The following MYO5B variants were observed in gnomAD, a reference collection of about 807,000 sequenced individuals.
The protein encoded by MYO5B is unconventional myosin-Vb.
A neutral mutation model predicts 229.3 loss-of-function variants in MYO5B; 143 were observed. The ratio of observed to expected loss-of-function variants is 0.62; its 90% CI spans 0.54 to 0.72. The LOEUF (loss-of-function observed/expected upper bound fraction) is 0.72, where lower values mean the gene tolerates loss of function less well. Among genes scored for constraint, MYO5B ranks in the 30% least tolerant of loss-of-function variants. The probability of loss-of-function intolerance (pLI) is 0.00; values close to 1 mark genes in which losing one functional copy is unlikely to be tolerated. For missense variants in MYO5B, 2,321 were observed against 2,331.0 expected (o/e 1.00, Z 0.09); for synonymous variants, 918 against 885.2 (o/e 1.04, Z -0.66).
intron 1 of MYO5B, among the ~76,000 whole-genome samples, chr18:50,166,270 C>T (rs1312945729): frequency 2.0e-5 from 3 of 152,194 alleles, no homozygotes; most frequent in African/African-American, 7.2e-5. Context: ...GTAAACTCAT[C>T]CTAACCTTGT....
At chr18:49,968,062 A>T (rs2025646629) in intron 10 of MYO5B, among the ~76,000 whole-genome samples, 1 of 152,176 alleles carries the variant, frequency 6.6e-6, no homozygotes, top group Non-Finnish European at 1.5e-5. Context: ...CAACTGTCCC[A>T]AACTATGAAG....
chr18:49,864,960 A>G (rs1242553645), intron 27 of MYO5B, among the ~76,000 whole-genome samples: 1 of 152,208 alleles, frequency 6.6e-6, no homozygotes, highest in Non-Finnish European at 1.5e-5. Context: ...AAATACCTAC[A>G]TACAGAATTG....
At chr18:50,165,469 G>C (rs986841161) in intron 1 of MYO5B, among the ~76,000 whole-genome samples, 6 of 143,018 alleles carry the variant, frequency 4.2e-5, no homozygotes, top group Non-Finnish European at 9.2e-5. Context: ...AACAGCATAA[G>C]ACTGTGTTTC....
intron 1 of MYO5B, among the ~76,000 whole-genome samples, chr18:50,129,258 A>G (rs921844983): frequency 6.6e-6 from 1 of 152,220 alleles, no homozygotes; most frequent in African/African-American, 2.4e-5. Context: ...TTACAATCCC[A>G]TAGACTCCAG....
At chr18:49,961,063 G>A (rs1218553281) in intron 12 of MYO5B, among the ~76,000 whole-genome samples, 1 of 152,196 alleles carries the variant, frequency 6.6e-6, no homozygotes, top group Non-Finnish European at 1.5e-5. Context: ...GGGAAAAGGA[G>A]CATGACCTTG....
chr18:50,190,872 T>A (rs1511155), intron 1 of MYO5B, among the ~76,000 whole-genome samples: 44,922 of 152,138 alleles, frequency 0.3, 6,792 homozygotes, highest in South Asian at 0.38. Flanking sequence ...AAATTTTCCA[T>A]TCCCAAAAAT....
At chr18:50,065,713 TCTC>T (rs1361566541) in intron 1 of MYO5B, among the ~76,000 whole-genome samples, 1 of 152,038 alleles carries the variant, frequency 6.6e-6, no homozygotes, top group Non-Finnish European at 1.5e-5. Context: ...ATGCGGCTAA[TCTC>T]CTGCAATGGT....
intron 31 of MYO5B, among the ~76,000 whole-genome samples, chr18:49,852,885 C>T: frequency 6.6e-6 from 1 of 152,216 alleles, no homozygotes; most frequent in East Asian, 1.9e-4. Context: ...TATCTACTTT[C>T]TCTTCTTTAT....
intron 1 of MYO5B, among the ~76,000 whole-genome samples, chr18:50,061,296 G>C (rs963471899): frequency 6.6e-6 from 1 of 152,186 alleles, no homozygotes; most frequent in East Asian, 1.9e-4. Context: ...TACCTACCTC[G>C]TGAAGTGTTC....
intron 5 of MYO5B, among the ~76,000 whole-genome samples, chr18:49,997,369 CTTTTTTTT>C (rs34011258): frequency 6.3e-4 from 38 of 60,360 alleles, no homozygotes; most frequent in African/African-American, 7.1e-4. Flanking sequence ...TCCTTTCTTT[CTTTTTTTT>C]TTTTTTTTTT....
chr18:50,065,024 T>C (rs990536146), intron 1 of MYO5B, among the ~76,000 whole-genome samples: 2 of 152,224 alleles, frequency 1.3e-5, no homozygotes, highest in Non-Finnish European at 2.9e-5. Context: ...AGAGATGACC[T>C]ATCTCAGAAC....
At chr18:49,861,937 C>G (rs1474244650) in intron 29 of MYO5B, among the ~76,000 whole-genome samples, 2 of 151,192 alleles carry the variant, frequency 1.3e-5, no homozygotes, top group Non-Finnish European at 2.9e-5. Flanking sequence ...AATACTTGAT[C>G]AACATTCTAT....
intron 22 of MYO5B, among the ~76,000 whole-genome samples, chr18:49,881,754 G>A (rs2024588498): frequency 6.6e-6 from 1 of 150,634 alleles, no homozygotes; most frequent in South Asian, 2.1e-4. Context: ...AGTGAGCCGA[G>A]ATCGCGCCAC....
intron 1 of MYO5B, among the ~76,000 whole-genome samples, chr18:50,136,198 C>G (rs1211644836): frequency 6.6e-6 from 1 of 152,206 alleles, no homozygotes; most frequent in African/African-American, 2.4e-5. Flanking sequence ...CAAGGTCCCA[C>G]AGTATGTACT....
At chr18:49,956,177 A>G (rs916122735) in intron 12 of MYO5B, among the ~76,000 whole-genome samples, 1 of 152,266 alleles carries the variant, frequency 6.6e-6, no homozygotes, top group Non-Finnish European at 1.5e-5. Context: ...AAGGGCCGGC[A>G]GGAATTAACA....
At chr18:50,118,691 C>T (rs2032008695) in intron 1 of MYO5B, among the ~76,000 whole-genome samples, 1 of 146,790 alleles carries the variant, frequency 6.8e-6, no homozygotes, top group South Asian at 2.1e-4. Context: ...GTGGCGCGAT[C>T]TCGGCTCACT....
At chr18:49,974,786 C>CACACACAG (rs1347968589) in intron 9 of MYO5B, among the ~76,000 whole-genome samples, 171 bp from the exon 10 acceptor site, 5 of 124,196 alleles carry the variant, frequency 4.0e-5, no homozygotes, top group African/African-American at 1.7e-4. Flanking sequence ...CTCTCACACA[C>CACACACAG]ACACACACAC....
At chr18:49,889,488 T>G (rs545518873) in intron 22 of MYO5B, among the ~76,000 whole-genome samples, 1 of 152,346 alleles carries the variant, frequency 6.6e-6, no homozygotes, top group South Asian at 2.1e-4. Context: ...TCTTGCCCCA[T>G]CCTGCCAGGA....
At chr18:49,916,447 C>A (rs899467884) in intron 17 of MYO5B, among the ~76,000 whole-genome samples, 4 of 152,362 alleles carry the variant, frequency 2.6e-5, no homozygotes, top group South Asian at 4.1e-4. Flanking sequence ...CTCATACAAG[C>A]ACCACAGGGC....
Sources: gnomAD v4.1 joint callset for allele counts (sites outside exome capture counted in the v4.1 genomes callset) on GRCh38, gnomAD v4.1.1 for gene constraint, MANE v1.5 for transcripts, NCBI Gene and HGNC (gene_info 2026-07-23, HGNC 2026-07-21) for gene names.